HECW2: variants seen among roughly 807,000 people sequenced by gnomAD.
HECW2 encodes the protein HECT, C2 and WW domain containing E3 ubiquitin protein ligase 2, also known as E3 ubiquitin-protein ligase HECW2.
HECW2 carries 61 observed loss-of-function variants against 175.2 expected under a neutral mutation model. The ratio of observed to expected loss-of-function variants is 0.35; its 90% CI spans 0.28 to 0.43. The LOEUF (loss-of-function observed/expected upper bound fraction) is 0.43. HECW2 is among the 20% of genes least tolerant of loss of function. HECW2 has a pLI of 1.00. For missense variants in HECW2, 1,524 were observed against 2,000.5 expected, an observed-to-expected ratio of 0.76 and a Z score of 4.54; for synonymous variants, 671 against 731.0, an observed-to-expected ratio of 0.92 and a Z score of 1.32.
chr2:196,492,298 C>T (rs1017093497), intron 1 of HECW2, among the ~76,000 whole-genome samples: 3 of 152,186 alleles, frequency 2.0e-5, no homozygotes, highest in African/African-American at 7.2e-5. Flanking sequence ...TAGCCTGGAC[C>T]GTCATCCAGA....
intron 19 of HECW2, among the ~76,000 whole-genome samples, chr2:196,250,188 T>C (rs1346274579): frequency 6.6e-6 from 1 of 152,330 alleles, no homozygotes; most frequent in Admixed American, 6.5e-5. Context: ...CCACATGGCT[T>C]CATGTCTTTA....
At chr2:196,584,320 T>G (rs955640844) in intron 1 of HECW2, among the ~76,000 whole-genome samples, 2 of 152,134 alleles carry the variant, frequency 1.3e-5, no homozygotes, top group African/African-American at 4.8e-5. Flanking sequence ...AGTGTCCCAC[T>G]CACCATCACC....
At chr2:196,223,341 C>A (rs16847497) in intron 23 of HECW2, among the ~76,000 whole-genome samples, 7,710 of 152,146 alleles carry the variant, frequency 0.051, 645 homozygotes, top group African/African-American at 0.18. Context: ...CATGAGGGGC[C>A]TTTTCTTTGA....
intron 28 of HECW2, among the ~76,000 whole-genome samples, chr2:196,212,291 T>C (rs1687318201): frequency 6.6e-6 from 1 of 152,172 alleles, no homozygotes; most frequent in East Asian, 1.9e-4. Flanking sequence ...GATTATTTTG[T>C]CACTCAGGTA....
At chr2:196,356,374 T>G (rs1693368902) in intron 2 of HECW2, among the ~76,000 whole-genome samples, 1 of 152,190 alleles carries the variant, frequency 6.6e-6, no homozygotes, top group Non-Finnish European at 1.5e-5. Flanking sequence ...TTACCCAAAG[T>G]TAACCTTAGT....
In HECW2 at chr2:196,574,579, T is replaced by G. The variant is rs115048403; in HGVS notation, c.-36+18929A>C. On this transcript the variant is annotated intron_variant, in intron 1 of 28. Coordinates refer to ENST00000644978, the MANE Select transcript of HECW2 (RefSeq NM_001348768.2). The stretch of plus-strand genomic sequence containing the variant: ...ATCCGTGTTCATGGATTGGAAGAAT[T>G]AATAACATTAAAATGTCCACTCTAC... Among the ~76,000 whole-genome samples, 404 of 152,206 alleles carry G rather than the reference T, an allele frequency of 2.7e-3. 1 individual carries two copies. The highest frequency in any genetic ancestry group is 7.1e-3 in the Admixed American group (108 of 15,284).
At chr2:196,506,479 G>T (rs960704703) in intron 1 of HECW2, among the ~76,000 whole-genome samples, 3 of 152,008 alleles carry the variant, frequency 2.0e-5, no homozygotes, top group Non-Finnish European at 2.9e-5. Context: ...CATCATTGAA[G>T]ACCTGGTATA....
At chr2:196,292,480 C>G in intron 14 of HECW2, 85 bp downstream of exon 14, 1 of 1,171,426 alleles carries the variant, frequency 8.5e-7, no homozygotes. Flanking sequence ...AGCCTTGGCC[C>G]TCACTTGAAG....
At chr2:196,316,117 A>C (rs1051530440) in intron 10 of HECW2, 3 of 152,210 alleles carry the variant, frequency 2.0e-5, no homozygotes, top group African/African-American at 7.2e-5. Flanking sequence ...CTACCTGCTT[A>C]AGATGATACA....
intron 13 of HECW2, among the ~76,000 whole-genome samples, chr2:196,300,409 C>T (rs1691000448): frequency 6.6e-6 from 1 of 152,204 alleles, no homozygotes; most frequent in South Asian, 2.1e-4. Flanking sequence ...TGTGCTGTTA[C>T]ATTGCAAATA....
chr2:196,262,498 T>C (rs1307393417), intron 17 of HECW2, among the ~76,000 whole-genome samples: 1 of 152,212 alleles, frequency 6.6e-6, no homozygotes, highest in Non-Finnish European at 1.5e-5. Context: ...ACCTTCTGAT[T>C]TGGCTAGTGA....
chr2:196,502,953 C>CT (rs1229142289), intron 1 of HECW2, among the ~76,000 whole-genome samples: 2 of 152,132 alleles, frequency 1.3e-5, no homozygotes, highest in East Asian at 3.8e-4. Flanking sequence ...CTTCTTCTAC[C>CT]TTGACTTTCA....
intron 2 of HECW2, among the ~76,000 whole-genome samples, chr2:196,373,905 G>A (rs866672486): frequency 9.9e-5 from 15 of 151,218 alleles, no homozygotes; most frequent in Admixed American, 2.0e-4. Flanking sequence ...AGTGGCGGGC[G>A]CCTGTAGTCC....
chr2:196,571,434 C>T (rs1034814913), intron 1 of HECW2, among the ~76,000 whole-genome samples: 113 of 152,112 alleles, frequency 7.4e-4, no homozygotes, highest in African/African-American at 2.6e-3. Context: ...TGAGGCTGGG[C>T]GCAGTGGCTC....
intron 2 of HECW2, among the ~76,000 whole-genome samples, chr2:196,371,873 ATC>A (rs1455639721): frequency 6.6e-6 from 1 of 152,192 alleles, no homozygotes; most frequent in South Asian, 2.1e-4. Context: ...GCAATGAACG[ATC>A]TCTGTTTTCT....
rs984818194 is a variant in HECW2, at chr2:196,572,365, T to C, written c.-36+21143A>G. On this transcript the variant is annotated intron_variant, in intron 1 of 28. Coordinates refer to ENST00000644978, the MANE Select transcript of HECW2 (RefSeq NM_001348768.2). ...GCTTGGCTAATTTTTTAAATTTTTG[T>C]ACAGACGAAGTCATACTGTATTGCC... is the stretch of plus-strand genomic sequence containing the variant. 2.6e-5 allele frequency among the ~76,000 whole-genome samples: 4 copies of C among 152,184 alleles called. No individual in the cohort carries two copies. The South Asian group carries it at 8.3e-4, about 32-fold the overall frequency.
In HECW2 at chr2:196,375,156, C is replaced by T. The variant is rs1456540159; in HGVS notation, c.293-31392G>A. Among the ~76,000 whole-genome samples the T allele has an allele frequency of 6.6e-5, 9 of 136,254 alleles. No homozygotes were observed. The South Asian group carries it at 1.2e-3, about 17-fold the overall frequency. 89.4% of individuals were successfully genotyped at this position (136,254 alleles called of 152,430 possible). On this transcript the variant is annotated intron_variant, in intron 2 of 28. Coordinates refer to ENST00000644978, the MANE Select transcript of HECW2 (RefSeq NM_001348768.2). Reference sequence around the variant, plus strand: ...CCTGGGCAACAGAGTAAGACTCAGTCTCAAAAAAAAAAAAGAAAGAAAAAA... The same window carrying T: ...CCTGGGCAACAGAGTAAGACTCAGTTTCAAAAAAAAAAAAGAAAGAAAAAA...
intron 10 of HECW2, among the ~76,000 whole-genome samples, chr2:196,310,891 A>C (rs1691472997): frequency 6.6e-6 from 1 of 152,158 alleles, no homozygotes; most frequent in African/African-American, 2.4e-5. Context: ...TATGAATCAC[A>C]GTTTTGAAAA....
At chr2:196,560,268 C>T (rs1205859182) in intron 1 of HECW2, among the ~76,000 whole-genome samples, 2 of 152,154 alleles carry the variant, frequency 1.3e-5, no homozygotes, top group African/African-American at 4.8e-5. Context: ...GCCTCAGCCT[C>T]CCAAGTAGCT....
Sources: gnomAD v4.1 joint callset for allele counts (sites outside exome capture counted in the v4.1 genomes callset) on GRCh38, gnomAD v4.1.1 for gene constraint, MANE v1.5 for transcripts, NCBI Gene and HGNC (gene_info 2026-07-23, HGNC 2026-07-21) for gene names.